NEK10: variants seen among roughly 807,000 people sequenced by gnomAD.
NEK10 encodes the protein NIMA related kinase 10.
A neutral mutation model predicts 159.8 loss-of-function variants in NEK10; 122 were observed. The observed-to-expected ratio is 0.76, with a 90% CI of 0.66 to 0.89. The LOEUF (loss-of-function observed/expected upper bound fraction) is 0.89, where lower values mean the gene tolerates loss of function less well. Among genes scored for constraint, NEK10 ranks in the 40% least tolerant of loss-of-function variants. NEK10 has a pLI of 0.00. For synonymous variants in NEK10, 466 were observed against 457.1 expected (o/e 1.02, Z -0.25); for missense variants, 1,342 against 1,323.1 (o/e 1.01, Z -0.22).
chr3:27,146,400 T>C (rs924810554), intron 30 of NEK10, among the ~76,000 whole-genome samples: 2 of 152,188 alleles, frequency 1.3e-5, no homozygotes, highest in Admixed American at 6.5e-5. Context: ...TTCTCTCAGC[T>C]AAGGATCAGG....
intron 26 of NEK10, among the ~76,000 whole-genome samples, chr3:27,183,754 T>C (rs1057510424): frequency 7.9e-5 from 12 of 152,020 alleles, no homozygotes; most frequent in African/African-American, 2.2e-4. Context: ...AGTAATCCAA[T>C]AAAATCACAG....
At chr3:27,286,457 G>C (rs112840642) in intron 20 of NEK10, among the ~76,000 whole-genome samples, 2,944 of 146,494 alleles carry the variant, frequency 0.02, 108 homozygotes, top group African/African-American at 0.071. Context: ...TCTTGGCTCA[G>C]TGCAACCTCT....
At chr3:27,237,477 T>C (rs1222859276) in intron 23 of NEK10, among the ~76,000 whole-genome samples, 3 of 152,194 alleles carry the variant, frequency 2.0e-5, no homozygotes, top group African/African-American at 7.2e-5. Flanking sequence ...TGGGAACTGA[T>C]AAATGTCCAT....
At chr3:27,305,914 A>T (rs886827630) in intron 11 of NEK10, among the ~76,000 whole-genome samples, 3 of 152,184 alleles carry the variant, frequency 2.0e-5, no homozygotes, top group African/African-American at 7.2e-5. Flanking sequence ...CATTCCCATG[A>T]TTTCAAACAC....
Position 27,310,955 on chromosome 3 carries a change from G to A in NEK10, c.630C>T (p.Ala210=). 1 of 1,603,378 alleles carries A rather than the reference G, an allele frequency of 6.2e-7. No homozygotes were observed. The highest frequency in any genetic ancestry group is 8.5e-7 in the Non-Finnish European group (1 of 1,170,540). ...DQREWVTTSG[A]HKTLVNLLGA... is the part of the protein sequence containing the mutation. ...TCTTTCAGGGGCCACTCACCTTGTGGGCTCCACTTGTGGTGACCCATTCTC... is the reference window on the plus strand; with the variant it reads ...TCTTTCAGGGGCCACTCACCTTGTGAGCTCCACTTGTGGTGACCCATTCTC... Residue 210 remains alanine, a synonymous_variant, in exon 9 of 36, where the codon GCC becomes GCT. Transcript: ENST00000691995.
At chr3:27,280,626 A>G (rs2042088017) in intron 22 of NEK10, among the ~76,000 whole-genome samples, 1 of 152,168 alleles carries the variant, frequency 6.6e-6, no homozygotes, top group Non-Finnish European at 1.5e-5. Flanking sequence ...TAGAAAAAAC[A>G]AAGTTTAGAT....
In NEK10 at chr3:27,240,325, G is replaced by A. The variant is rs144201167; in HGVS notation, c.2090+15971C>T. On this transcript the variant is annotated intron_variant, in intron 23 of 35. Coordinates refer to ENST00000691995, the MANE Select transcript of NEK10 (RefSeq NM_001394966.1). The stretch of plus-strand genomic sequence containing the variant: ...GATTTTTTGTAGAAAAAAAAAAGCT[G>A]GCATTATAGGTTGACATCACATATT... Among the ~76,000 whole-genome samples, 1,349 of 151,958 alleles carry A rather than the reference G, an allele frequency of 8.9e-3. 25 individuals carry two copies. Among genetic ancestry groups the A allele is most frequent in the African/African-American group, 0.03 (1,253 of 41,464 alleles).
intron 29 of NEK10, among the ~76,000 whole-genome samples, chr3:27,168,606 A>G (rs1230435025): frequency 3.3e-5 from 5 of 152,142 alleles, no homozygotes; most frequent in Non-Finnish European, 7.4e-5. Flanking sequence ...GCTGTCTTTT[A>G]TCATTTATTT....
At chr3:27,171,506 C>T (rs544535429) in intron 29 of NEK10, among the ~76,000 whole-genome samples, 1 of 152,126 alleles carries the variant, frequency 6.6e-6, no homozygotes, top group East Asian at 1.9e-4. Flanking sequence ...GATATAAGAC[C>T]AGGGCTCCAG....
chr3:27,137,407 CTATATT>C (rs1336606426), intron 31 of NEK10, among the ~76,000 whole-genome samples: 18 of 152,046 alleles, frequency 1.2e-4, no homozygotes, highest in Admixed American at 2.6e-4. Flanking sequence ...CATATGAAAA[CTATATT>C]TAAATTTCAA....
chr3:27,194,149 G>A (rs1299872409), intron 25 of NEK10: 4 of 144,286 alleles, frequency 2.8e-5, no homozygotes, highest in Admixed American at 7.2e-5. Flanking sequence ...TTTTTGAGAC[G>A]GAGTCTCGCT....
chr3:27,276,621 T>G (rs941968384), intron 22 of NEK10, among the ~76,000 whole-genome samples: 3 of 152,212 alleles, frequency 2.0e-5, no homozygotes, highest in Non-Finnish European at 2.9e-5. Flanking sequence ...AGATTTTAAC[T>G]AAGCATGTCC....
intron 22 of NEK10, among the ~76,000 whole-genome samples, chr3:27,260,467 G>A (rs371821347): frequency 2.0e-5 from 3 of 152,136 alleles, no homozygotes; most frequent in Non-Finnish European, 2.9e-5. Context: ...TTCTGCATCT[G>A]TTGAGATAAT....
At chr3:27,250,551 T>C (rs1162593229) in intron 23 of NEK10, among the ~76,000 whole-genome samples, 1 of 152,160 alleles carries the variant, frequency 6.6e-6, no homozygotes, top group Non-Finnish European at 1.5e-5. Flanking sequence ...ATTAATGCCC[T>C]TTCATTTCTG....
At chr3:27,257,024 T>C (rs1425358982) in intron 22 of NEK10, among the ~76,000 whole-genome samples, 1 of 150,362 alleles carries the variant, frequency 6.7e-6, no homozygotes, top group Non-Finnish European at 1.5e-5. Flanking sequence ...CAAGCAATTC[T>C]CGTGCCTCAG....
chr3:27,361,236 C>T (rs1322995939), intron 1 of NEK10, among the ~76,000 whole-genome samples: 2 of 152,146 alleles, frequency 1.3e-5, no homozygotes, highest in East Asian at 1.9e-4. Flanking sequence ...GGATCCCCTC[C>T]ATTGTCATTG....
chr3:27,291,898 TC>T (rs1487181723), intron 16 of NEK10, among the ~76,000 whole-genome samples: 1 of 152,144 alleles, frequency 6.6e-6, no homozygotes, highest in Non-Finnish European at 1.5e-5. Flanking sequence ...CGTCTTGGCC[TC>T]CCAAAGTGCT....
At chr3:27,115,211 A>G (rs1444107055) in intron 35 of NEK10, among the ~76,000 whole-genome samples, 1 of 152,154 alleles carries the variant, frequency 6.6e-6, no homozygotes, top group Non-Finnish European at 1.5e-5. Flanking sequence ...CAGCTCTTAG[A>G]TTTCCCCAGT....
chr3:27,252,195 C>A, intron 23 of NEK10: 1 of 503,314 alleles, frequency 2.0e-6, no homozygotes, highest in Admixed American at 2.0e-5. Flanking sequence ...TAAGCCAATT[C>A]AAGTACAACA....
Sources: allele counts gnomAD v4.1 joint callset (sites outside exome capture counted in the v4.1 genomes callset), GRCh38; gene constraint gnomAD v4.1.1; transcripts MANE v1.5; gene names NCBI Gene and HGNC (gene_info 2026-07-23, HGNC 2026-07-21).